The following CDKAL1 variants were observed in gnomAD, a reference collection of about 807,000 sequenced individuals.
The protein encoded by CDKAL1 is threonylcarbamoyladenosine tRNA methylthiotransferase.
A neutral mutation model predicts 68.2 loss-of-function variants in CDKAL1; 32 were observed. The ratio of observed to expected loss-of-function variants is 0.47; its 90% confidence interval spans 0.35 to 0.63. The LOEUF is 0.63. CDKAL1 is among the 30% of genes least tolerant of loss of function. The pLI, the probability that CDKAL1 is intolerant of heterozygous loss-of-function variation, is 0.00. For missense variants in CDKAL1, 606 were observed against 696.7 expected (o/e 0.87, Z 1.47); for synonymous variants, 234 against 244.3 (o/e 0.96, Z 0.39).
intron 9 of CDKAL1, among the ~76,000 whole-genome samples, chr6:20,859,558 G>A (rs1759508027): frequency 6.6e-6 from 1 of 152,188 alleles, no homozygotes; most frequent in East Asian, 1.9e-4. Flanking sequence ...CCACTACACT[G>A]TGGCTTCTTC....
chr6:20,661,268 A>G (rs1344873105), intron 5 of CDKAL1, among the ~76,000 whole-genome samples: 1 of 152,136 alleles, frequency 6.6e-6, no homozygotes, highest in Admixed American at 6.6e-5. Context: ...CTTATGTCAC[A>G]GTTTTGTTTA....
chr6:20,572,125 G>A (rs887431817), intron 4 of CDKAL1, among the ~76,000 whole-genome samples: 2 of 152,060 alleles, frequency 1.3e-5, no homozygotes, highest in Non-Finnish European at 2.9e-5. Context: ...CCTGTTGGAG[G>A]CAGCCAGGTT....
chr6:20,726,663 G>A (rs1486490090), intron 5 of CDKAL1, among the ~76,000 whole-genome samples: 1 of 152,178 alleles, frequency 6.6e-6, no homozygotes, highest in East Asian at 1.9e-4. Context: ...GGAAGAGGAA[G>A]TCTCCAGCAT....
intron 4 of CDKAL1, among the ~76,000 whole-genome samples, chr6:20,644,511 A>G (rs760218809): frequency 3.9e-5 from 6 of 152,008 alleles, no homozygotes; most frequent in Non-Finnish European, 5.9e-5. Flanking sequence ...CCCTGTCTCT[A>G]CTAAAAATAC....
At chr6:21,114,486 A>T (rs1774301048) in intron 13 of CDKAL1, among the ~76,000 whole-genome samples, 1 of 152,150 alleles carries the variant, frequency 6.6e-6, no homozygotes, top group African/African-American at 2.4e-5. Context: ...TAATCCCAGT[A>T]ATTTGGGAGA....
At chr6:21,048,213 G>C (rs1182893762) in intron 11 of CDKAL1, among the ~76,000 whole-genome samples, 1 of 152,176 alleles carries the variant, frequency 6.6e-6, no homozygotes, top group Admixed American at 6.5e-5. Context: ...GCCATAAACA[G>C]TATGAAATGA....
chr6:20,555,646 G>A (rs1468085024), intron 4 of CDKAL1, among the ~76,000 whole-genome samples: 5 of 103,040 alleles, frequency 4.9e-5, no homozygotes, highest in Non-Finnish European at 9.3e-5. Flanking sequence ...TTTTTGAGAC[G>A]GAGTCCTGCT....
At chr6:20,860,716 C>T (rs778386274) in intron 9 of CDKAL1, among the ~76,000 whole-genome samples, 11 of 151,828 alleles carry the variant, frequency 7.2e-5, no homozygotes, top group South Asian at 4.2e-4. Flanking sequence ...CCCAGCTACT[C>T]AGGAGACTGA....
rs189055388 is a variant in CDKAL1 at position 20,639,176 on chromosome 6, A to G, written c.287-10117A>G. ...TATTATTTTTCATTTAAAAGAAAAA[A>G]TCGTCTTTCATATAATGAACAGACT... is the stretch of plus-strand genomic sequence containing the variant. On this transcript the variant is annotated intron_variant, in intron 4 of 15. Transcript: ENST00000274695. Among the ~76,000 whole-genome samples, 176 of 152,320 alleles carry G rather than the reference A, an allele frequency of 1.2e-3. 4 individuals are homozygous for G. The South Asian group carries it at 0.017, about 14-fold the overall frequency.
At chr6:21,069,041 C>T (rs924689841) in intron 12 of CDKAL1, among the ~76,000 whole-genome samples, 51 of 152,224 alleles carry the variant, frequency 3.4e-4, no homozygotes, top group South Asian at 1.2e-3. Context: ...CCAACTAATT[C>T]ACTTATTAAT....
intron 9 of CDKAL1, among the ~76,000 whole-genome samples, chr6:20,848,281 T>TTTTTTGGTTTTTG (rs1778453214): frequency 9.3e-6 from 1 of 107,728 alleles, no homozygotes; most frequent in South Asian, 3.9e-4. Flanking sequence ...GGAAAGTTGT[T>TTTTTTGGTTTTTG]TTTTTTTTTT....
At position 20,553,647 on chromosome 6, in the gene CDKAL1, G is replaced by A. The variant is rs76393458; in HGVS notation, c.286+4942G>A. On this transcript the variant is annotated intron_variant, in intron 4 of 15. Transcript: ENST00000274695. Reference sequence around the variant, plus strand: ...CTTTTTTGTTACGTAGTCTCACTCCGCTGCCCAGGCTGGAGTGCAGTAGCA... The same window carrying A: ...CTTTTTTGTTACGTAGTCTCACTCCACTGCCCAGGCTGGAGTGCAGTAGCA... 0.029 allele frequency among the ~76,000 whole-genome samples: 4,426 copies of A among 152,220 alleles called. 282 individuals carry two copies. The East Asian group carries it at 0.29, about 10-fold the overall frequency.
At chr6:20,591,836 T>A (rs4509107) in intron 4 of CDKAL1, among the ~76,000 whole-genome samples, 152,080 of 152,302 alleles carry the variant, frequency 1, 75,930 homozygotes, top group East Asian at 1. Flanking sequence ...TCTGCTTAGG[T>A]TTGTCTTGGC....
chr6:21,048,505 T>A (rs1770367651), intron 11 of CDKAL1, among the ~76,000 whole-genome samples: 1 of 152,160 alleles, frequency 6.6e-6, no homozygotes, highest in African/African-American at 2.4e-5. Flanking sequence ...TATGTGTGTG[T>A]ATATATATAT....
intron 8 of CDKAL1, among the ~76,000 whole-genome samples, chr6:20,789,741 A>G (rs975410397): frequency 3.9e-5 from 6 of 152,218 alleles, no homozygotes; most frequent in Non-Finnish European, 5.9e-5. Context: ...CCATTAAAGC[A>G]ATCTTAGTTT....
chr6:20,942,565 C>T (rs1764032057), intron 9 of CDKAL1, among the ~76,000 whole-genome samples: 1 of 150,226 alleles, frequency 6.7e-6, no homozygotes, highest in Admixed American at 6.6e-5. Flanking sequence ...TGGGGTTTCT[C>T]CATCTTAGTC....
intron 10 of CDKAL1, among the ~76,000 whole-genome samples, chr6:20,998,350 G>A (rs898068676): frequency 1.3e-5 from 2 of 152,118 alleles, no homozygotes; most frequent in Non-Finnish European, 2.9e-5. Context: ...GGTGGCTCAC[G>A]CCTGTAATCC....
chr6:20,738,393 AT>A (rs773074982), intron 5 of CDKAL1, among the ~76,000 whole-genome samples: 22 of 152,156 alleles, frequency 1.4e-4, no homozygotes, highest in Non-Finnish European at 2.8e-4. Flanking sequence ...ATAATGTCAC[AT>A]CAAAACATAT....
intron 9 of CDKAL1, among the ~76,000 whole-genome samples, chr6:20,869,904 A>G (rs1760115591): frequency 6.6e-6 from 1 of 152,172 alleles, no homozygotes; most frequent in South Asian, 2.1e-4. Flanking sequence ...GTATCAAAAT[A>G]AGACGATCTA....
Sources: gnomAD v4.1 joint callset for allele counts (sites outside exome capture counted in the v4.1 genomes callset) on GRCh38, gnomAD v4.1.1 for gene constraint, MANE v1.5 for transcripts, NCBI Gene and HGNC (gene_info 2026-07-23, HGNC 2026-07-21) for gene names.